Variants in LACTB2 observed in about 807,000 individuals in gnomAD.
The protein encoded by LACTB2 is lactamase beta 2.
LACTB2 carries 32 observed loss-of-function variants against 34.8 expected under a neutral mutation model. That is an observed-to-expected ratio of 0.92 (90% CI 0.69 to 1.24). LACTB2 has a LOEUF of 1.24. LACTB2 is among the 50% of genes most tolerant of loss of function. The pLI is 0.00. For synonymous variants in LACTB2, 120 were observed against 117.5 expected (o/e 1.02, Z -0.14); for missense variants, 320 against 345.0 (o/e 0.93, Z 0.57).
chr8:70,649,145 G>A (rs1290489106), intron 3 of LACTB2, among the ~76,000 whole-genome samples: 1 of 152,128 alleles, frequency 6.6e-6, no homozygotes, highest in Non-Finnish European at 1.5e-5. Context: ...TTCTCAGAAA[G>A]CTACTGGAGA....
At chr8:70,664,342 T>G (rs1392091941) in intron 1 of LACTB2, among the ~76,000 whole-genome samples, 8 of 152,198 alleles carry the variant, frequency 5.3e-5, no homozygotes. Flanking sequence ...CCAGATCACA[T>G]CACACTGATC....
chr8:70,641,636 T>A (rs1390549361), intron 4 of LACTB2, among the ~76,000 whole-genome samples: 1 of 152,204 alleles, frequency 6.6e-6, no homozygotes, highest in Non-Finnish European at 1.5e-5. Flanking sequence ...TTCATGTACA[T>A]GACCAAGCTC....
intron 5 of LACTB2, 30 bp from the exon 6 acceptor site, chr8:70,638,659 C>T: frequency 1.6e-6 from 2 of 1,249,866 alleles, no homozygotes; most frequent in Non-Finnish European, 2.0e-6. Context: ...GAAAAAAATT[C>T]CTTTTTTTTT....
intron 3 of LACTB2, among the ~76,000 whole-genome samples, chr8:70,647,929 A>G (rs1267509345): frequency 2.1e-5 from 3 of 142,786 alleles, no homozygotes; most frequent in Non-Finnish European, 3.0e-5. Context: ...AGAGGCATAG[A>G]TGCAGGAAGT....
At chr8:70,668,748 GTTTTTTTTTTTTTTTT>G (rs990900411) in intron 1 of LACTB2, among the ~76,000 whole-genome samples, 1 of 103,732 alleles carries the variant, frequency 9.6e-6, no homozygotes, top group Non-Finnish European at 1.9e-5. Flanking sequence ...CAAAACAGAA[GTTTTTTTTTTTTTTTT>G]TTTTTTTTTT....
At chr8:70,648,761 A>G (rs1419906073) in intron 3 of LACTB2, among the ~76,000 whole-genome samples, 7 of 152,164 alleles carry the variant, frequency 4.6e-5, no homozygotes, top group Admixed American at 4.6e-4. Flanking sequence ...GACTAAAACT[A>G]TAGTCAACTC....
intron 2 of LACTB2, among the ~76,000 whole-genome samples, chr8:70,658,465 G>C (rs1818441243): frequency 6.6e-6 from 1 of 152,022 alleles, no homozygotes. Context: ...CAGTATACTA[G>C]GTATACTGAA....
chr8:70,641,284 A>C (rs889636617), intron 4 of LACTB2, among the ~76,000 whole-genome samples: 1 of 152,222 alleles, frequency 6.6e-6, no homozygotes, highest in African/African-American at 2.4e-5. Flanking sequence ...TATTGTGTAC[A>C]TTAAAAATAT....
At chr8:70,645,513 A>ACTT (rs1818253120) in intron 3 of LACTB2, among the ~76,000 whole-genome samples, 1 of 151,600 alleles carries the variant, frequency 6.6e-6, no homozygotes, top group East Asian at 1.9e-4. Flanking sequence ...TTTAAATTAT[A>ACTT]CTTTAAGTTT....
chr8:70,648,040 G>A (rs941189162), intron 3 of LACTB2, among the ~76,000 whole-genome samples: 3 of 152,130 alleles, frequency 2.0e-5, no homozygotes, highest in African/African-American at 7.2e-5. Flanking sequence ...AGGCCTTTAC[G>A]CTACATGAAG....
chr8:70,661,419 C>A (rs769058843), intron 2 of LACTB2: 16 of 281,266 alleles, frequency 5.7e-5, no homozygotes, highest in Non-Finnish European at 7.5e-5. Flanking sequence ...GCACCTACCT[C>A]ACAGTATCCA....
At chr8:70,648,222 T>C (rs936915672) in intron 3 of LACTB2, among the ~76,000 whole-genome samples, 1 of 152,120 alleles carries the variant, frequency 6.6e-6, no homozygotes, top group African/African-American at 2.4e-5. Flanking sequence ...AGCTCTGTAG[T>C]TTCCATCAGA....
chr8:70,650,034 G>C (rs1818318721), intron 3 of LACTB2, among the ~76,000 whole-genome samples: 1 of 152,134 alleles, frequency 6.6e-6, no homozygotes, highest in Admixed American at 6.5e-5. Flanking sequence ...CTAGTCTGGA[G>C]TGCACTGGAG....
At chr8:70,640,113 A>G (rs1818177406) in intron 5 of LACTB2, among the ~76,000 whole-genome samples, 1 of 152,132 alleles carries the variant, frequency 6.6e-6, no homozygotes. Flanking sequence ...GGCATGTTCC[A>G]TGACACCTGG....
chr8:70,648,370 A>G (rs373777343), intron 3 of LACTB2, among the ~76,000 whole-genome samples: 2 of 152,244 alleles, frequency 1.3e-5, no homozygotes, highest in East Asian at 3.8e-4. Context: ...AACCCCACAG[A>G]ATATAATATC....
At chr8:70,656,108 G>T (rs1455211682) in intron 3 of LACTB2, among the ~76,000 whole-genome samples, 1 of 152,124 alleles carries the variant, frequency 6.6e-6, no homozygotes, top group Non-Finnish European at 1.5e-5. Flanking sequence ...TATAGATTAT[G>T]AAGATTTTCT....
At chr8:70,647,283 C>G (rs1280831283) in intron 3 of LACTB2, among the ~76,000 whole-genome samples, 1 of 150,466 alleles carries the variant, frequency 6.6e-6, no homozygotes, top group East Asian at 2.0e-4. Context: ...GACAGGGTCT[C>G]GCTCTGTCGC....
At position 70,638,547 on chromosome 8, in the gene LACTB2, C is replaced by T. The variant is rs1461254116; in HGVS notation, c.823+1G>A. On this transcript the variant is annotated splice_donor_variant, in intron 6 of 6. Transcript: ENST00000276590. LOFTEE classifies it high-confidence loss of function. ...AGAAGAAAATTTGGAAGCATACTCA[C>T]ATATTTTTCCTTCTTTTTCTAGTTT... The T allele has an allele frequency of 1.3e-6, 2 of 1,522,934 alleles. No individual in the cohort carries two copies. The highest frequency in any genetic ancestry group is 1.8e-6 in the Non-Finnish European group (2 of 1,137,468). The allele number at this position is 1,522,934 out of a possible 1,614,324, so 94.3% of individuals were successfully genotyped here.
At chr8:70,663,220 G>A (rs971960534) in intron 1 of LACTB2, 2 of 152,146 alleles carry the variant, frequency 1.3e-5, no homozygotes, top group Non-Finnish European at 1.5e-5. Flanking sequence ...GCATATGACT[G>A]GAAATAAACA....
Sources: gnomAD v4.1 joint callset for allele counts (sites outside exome capture counted in the v4.1 genomes callset) on GRCh38, gnomAD v4.1.1 for gene constraint, MANE v1.5 for transcripts, NCBI Gene and HGNC (gene_info 2026-07-23, HGNC 2026-07-21) for gene names.